The following USH2A variants were observed in gnomAD, a reference collection of about 807,000 sequenced individuals.
USH2A encodes the protein Usher syndrome 2A (autosomal recessive, mild).
Under a neutral mutation model 538.9 loss-of-function variants are expected in USH2A, and 443 were observed. The observed-to-expected ratio is 0.82, with a 90% CI of 0.76 to 0.89. USH2A has a LOEUF of 0.89. USH2A is among the 40% of genes least tolerant of loss of function. The probability of loss-of-function intolerance (pLI) is 0.00; values close to 1 mark genes in which losing one functional copy is unlikely to be tolerated. For missense variants in USH2A, 6,633 were observed against 6,324.8 expected (o/e 1.05, Z -1.65); for synonymous variants, 2,413 against 2,273.5 (o/e 1.06, Z -1.75).
intron 3 of USH2A, among the ~76,000 whole-genome samples, chr1:216,379,232 C>T (rs990988561): frequency 8.5e-5 from 13 of 152,142 alleles, no homozygotes; most frequent in African/African-American, 1.4e-4. Context: ...AAGCTCTATG[C>T]GTGCAGCACC....
chr1:216,085,015 T>C (rs2032084326), intron 24 of USH2A, 138 bp from the exon 25 acceptor site: 1 of 764,532 alleles, frequency 1.3e-6, no homozygotes, highest in Non-Finnish European at 2.2e-6. Context: ...TAATGATTCA[T>C]GTAAACACCA....
intron 30 of USH2A, 46 bp downstream of exon 30, chr1:216,070,055 A>T (rs905178027): frequency 3.1e-6 from 5 of 1,603,848 alleles, no homozygotes; most frequent in Non-Finnish European, 4.3e-6. Flanking sequence ...AAATGCAAAC[A>T]AAAAGGAAGT....
intron 9 of USH2A, among the ~76,000 whole-genome samples, chr1:216,313,095 C>T (rs192711815): frequency 6.6e-6 from 1 of 152,184 alleles, no homozygotes; most frequent in East Asian, 1.9e-4. Flanking sequence ...GAAGGTATTC[C>T]ACCTCAAAGC....
chr1:215,963,249 C>A (rs1330978740), intron 37 of USH2A, among the ~76,000 whole-genome samples: 1 of 152,038 alleles, frequency 6.6e-6, no homozygotes, highest in Non-Finnish European at 1.5e-5. Flanking sequence ...ATGCAGACCT[C>A]CCTACCCTCA....
chr1:216,132,160 C>G (rs2033390493), intron 21 of USH2A, among the ~76,000 whole-genome samples: 1 of 152,108 alleles, frequency 6.6e-6, no homozygotes, highest in Non-Finnish European at 1.5e-5. Context: ...TTCTAAACTT[C>G]AGAGAAGAGG....
chr1:215,702,483 C>T (rs1659060901), intron 61 of USH2A, among the ~76,000 whole-genome samples: 1 of 152,152 alleles, frequency 6.6e-6, no homozygotes, highest in Non-Finnish European at 1.5e-5. Context: ...GATCTTTTCA[C>T]ATAGCCCCAT....
At chr1:216,262,458 T>C (rs2036392806) in intron 11 of USH2A, among the ~76,000 whole-genome samples, 1 of 151,796 alleles carries the variant, frequency 6.6e-6, no homozygotes, top group African/African-American at 2.4e-5. Context: ...GACAACAGGC[T>C]AGATCAAGCA....
chr1:216,328,264 A>G (rs576296757), intron 4 of USH2A, among the ~76,000 whole-genome samples: 2 of 152,272 alleles, frequency 1.3e-5, no homozygotes, highest in South Asian at 4.1e-4. Flanking sequence ...AAAATCTTCT[A>G]AGAAAACCAG....
intron 47 of USH2A, among the ~76,000 whole-genome samples, chr1:215,828,352 G>A (rs2102806859): frequency 6.6e-6 from 1 of 152,266 alleles, no homozygotes; most frequent in South Asian, 2.1e-4. Context: ...CAGCTACTCA[G>A]GAGGCTGAGG....
At chr1:215,995,627 A>G (rs1668116632) in intron 34 of USH2A, among the ~76,000 whole-genome samples, 1 of 152,216 alleles carries the variant, frequency 6.6e-6, no homozygotes. Context: ...CTGGTCTGGA[A>G]AAACTAAACA....
intron 37 of USH2A, among the ~76,000 whole-genome samples, chr1:215,946,257 A>G (rs186381129): frequency 6.6e-6 from 1 of 152,218 alleles, no homozygotes; most frequent in Non-Finnish European, 1.5e-5. Flanking sequence ...AGAACAAAAC[A>G]TGGTGGTACA....
chr1:215,840,025 T>C (rs888596919), intron 46 of USH2A, among the ~76,000 whole-genome samples: 1 of 150,836 alleles, frequency 6.6e-6, no homozygotes, highest in Non-Finnish European at 1.5e-5. Flanking sequence ...TAACCTGGTG[T>C]GGTGGTGGGC....
intron 4 of USH2A, among the ~76,000 whole-genome samples, chr1:216,355,135 C>T (rs1043108209): frequency 2.0e-5 from 3 of 151,640 alleles, no homozygotes; most frequent in East Asian, 1.9e-4. Flanking sequence ...TGGTGAAACA[C>T]GGTCTCTACT....
At chr1:215,694,536 G>A (rs1204845875) in intron 61 of USH2A, among the ~76,000 whole-genome samples, 1 of 152,202 alleles carries the variant, frequency 6.6e-6, no homozygotes, top group Non-Finnish European at 1.5e-5. Context: ...TCACGCCACT[G>A]CACTCCAGCC....
At chr1:216,117,390 G>A (rs2033034055) in intron 21 of USH2A, among the ~76,000 whole-genome samples, 1 of 152,076 alleles carries the variant, frequency 6.6e-6, no homozygotes, top group African/African-American at 2.4e-5. Context: ...ACTCTTACAG[G>A]AAGTAAATCT....
intron 47 of USH2A, among the ~76,000 whole-genome samples, chr1:215,823,219 A>T (rs1441071304): frequency 6.6e-6 from 1 of 152,042 alleles, no homozygotes; most frequent in African/African-American, 2.4e-5. Flanking sequence ...TTCTTATAAG[A>T]TGGGTCTCAT....
intron 3 of USH2A, among the ~76,000 whole-genome samples, chr1:216,393,447 ACTAGGATATAATAC>A (rs1571774638): frequency 6.6e-6 from 1 of 152,164 alleles, no homozygotes; most frequent in Admixed American, 6.5e-5. Context: ...GAACACACAA[ACTAGGATATAATAC>A]CTTAAGGTTT....
intron 41 of USH2A, among the ~76,000 whole-genome samples, chr1:215,883,513 T>G (rs1428657126): frequency 6.6e-6 from 1 of 152,060 alleles, no homozygotes; most frequent in East Asian, 1.9e-4. Flanking sequence ...TCTCCTTTTT[T>G]TCTAAGATTT....
chr1:215,721,014 T>C (rs191898995), intron 61 of USH2A, among the ~76,000 whole-genome samples: 34 of 152,316 alleles, frequency 2.2e-4, no homozygotes, highest in African/African-American at 8.2e-4. Flanking sequence ...CCATGCCCTC[T>C]TTCCCCACTG....
Sources: allele counts gnomAD v4.1 joint callset (sites outside exome capture counted in the v4.1 genomes callset), GRCh38; gene constraint gnomAD v4.1.1; transcripts MANE v1.5; gene names NCBI Gene and HGNC (gene_info 2026-07-23, HGNC 2026-07-21).